FHIT: variants seen among roughly 807,000 people sequenced by gnomAD.
The protein encoded by FHIT is bis(5'-adenosyl)-triphosphatase.
A neutral mutation model predicts 17.9 loss-of-function variants in FHIT; 19 were observed. The observed-to-expected ratio is 1.06, with a 90% confidence interval of 0.74 to 1.56. The LOEUF (loss-of-function observed/expected upper bound fraction) is 1.56. Ranked by LOEUF, FHIT falls within the 40% of genes most tolerant of loss-of-function variation. FHIT has a pLI of 0.00. For synonymous variants in FHIT, 81 were observed against 69.7 expected (o/e 1.16, Z -0.81); for missense variants, 248 against 189.2 (o/e 1.31, Z -1.82).
chr3:60,451,943 G>C (rs1346758928), intron 5 of FHIT, among the ~76,000 whole-genome samples: 1 of 152,062 alleles, frequency 6.6e-6, no homozygotes, highest in African/African-American at 2.4e-5. Flanking sequence ...TTCCAAATTT[G>C]AGACTCCCTT....
At chr3:60,105,650 T>C (rs1704376405) in intron 5 of FHIT, among the ~76,000 whole-genome samples, 5 of 152,190 alleles carry the variant, frequency 3.3e-5, no homozygotes, top group Admixed American at 3.3e-4. Context: ...ACTAACTTCC[T>C]TTGCTCTGCC....
At chr3:60,388,291 G>A (rs147250836) in intron 5 of FHIT, among the ~76,000 whole-genome samples, 15 of 152,226 alleles carry the variant, frequency 9.9e-5, no homozygotes, top group African/African-American at 3.6e-4. Context: ...TTCTGCACAA[G>A]GCACGTCTCT....
chr3:59,972,172 A>G (rs1012916001), intron 7 of FHIT, among the ~76,000 whole-genome samples: 1 of 152,108 alleles, frequency 6.6e-6, no homozygotes, highest in African/African-American at 2.4e-5. Flanking sequence ...GATATTAGAG[A>G]CAGAATGTGC....
At chr3:60,260,152 T>G (rs1286114002) in intron 5 of FHIT, among the ~76,000 whole-genome samples, 2 of 151,964 alleles carry the variant, frequency 1.3e-5, no homozygotes, top group Admixed American at 6.6e-5. Flanking sequence ...AAAAAAATAT[T>G]AGTGTTCTTA....
chr3:61,238,791 GAT>G (rs1366163923), intron 1 of FHIT, among the ~76,000 whole-genome samples: 4 of 152,162 alleles, frequency 2.6e-5, no homozygotes. Flanking sequence ...CCAATTAAAA[GAT>G]CCCAAACTGT....
chr3:61,029,460 G>A (rs1366131610), intron 3 of FHIT, among the ~76,000 whole-genome samples: 2 of 152,126 alleles, frequency 1.3e-5, no homozygotes, highest in African/African-American at 4.8e-5. Context: ...ATCTGATTTA[G>A]CCGGCTAGCT....
At chr3:59,994,356 T>C (rs191918636) in intron 7 of FHIT, among the ~76,000 whole-genome samples, 10 of 152,150 alleles carry the variant, frequency 6.6e-5, no homozygotes, top group Non-Finnish European at 1.2e-4. Flanking sequence ...CAATACTCAA[T>C]CCATCTGCAG....
At chr3:60,843,311 G>C (rs1307488918) in intron 3 of FHIT, among the ~76,000 whole-genome samples, 1 of 152,124 alleles carries the variant, frequency 6.6e-6, no homozygotes, top group Non-Finnish European at 1.5e-5. Flanking sequence ...CAAAAGAGAA[G>C]TGAAATAAGT....
chr3:59,784,647 T>C (rs1327858135), intron 8 of FHIT, among the ~76,000 whole-genome samples: 1 of 152,184 alleles, frequency 6.6e-6, no homozygotes, highest in Admixed American at 6.5e-5. Flanking sequence ...AGTGATTCTT[T>C]AGGTTCAACA....
chr3:60,666,837 T>C (rs1482349625), intron 4 of FHIT, among the ~76,000 whole-genome samples: 1 of 147,786 alleles, frequency 6.8e-6, no homozygotes, highest in Admixed American at 6.9e-5. Context: ...CATGCCCAAT[T>C]TATCTTTTTC....
intron 5 of FHIT, among the ~76,000 whole-genome samples, chr3:60,299,653 C>A (rs949889985): frequency 6.6e-6 from 1 of 152,168 alleles, no homozygotes; most frequent in South Asian, 2.1e-4. Context: ...TACTTCTCTA[C>A]TGTTGGTAGA....
chr3:60,861,409 C>G lies in FHIT; in HGVS notation c.-110-39398G>C, dbSNP rs188798171. Reference sequence around the variant, plus strand: ...GAATTCTTTGTTATGGAGGGCTGTCCTATGCATTGTAGGGTGTTGAGCAGC... The same window carrying G: ...GAATTCTTTGTTATGGAGGGCTGTCGTATGCATTGTAGGGTGTTGAGCAGC... On this transcript the variant is annotated intron_variant, in intron 3 of 9. Transcript: ENST00000492590. Among the ~76,000 whole-genome samples the G allele has an allele frequency of 1.1e-4, 16 of 150,702 alleles. No homozygotes were observed. In the East Asian group the frequency reaches 3.2e-3, roughly 30 times the overall value.
intron 4 of FHIT, among the ~76,000 whole-genome samples, chr3:60,760,061 C>T (rs1279718581): frequency 6.6e-6 from 1 of 150,964 alleles, no homozygotes; most frequent in Non-Finnish European, 1.5e-5. Flanking sequence ...CTTTCTCTTT[C>T]TTTCCATTTC....
chr3:60,766,976 C>A (rs1699878055), intron 4 of FHIT, among the ~76,000 whole-genome samples: 1 of 152,200 alleles, frequency 6.6e-6, no homozygotes, highest in Non-Finnish European at 1.5e-5. Context: ...TCCTTTTGGA[C>A]ATTTTTCATG....
intron 8 of FHIT, among the ~76,000 whole-genome samples, chr3:59,920,854 G>A (rs1705366225): frequency 1.3e-5 from 2 of 152,122 alleles, no homozygotes; most frequent in Non-Finnish European, 1.5e-5. Context: ...ACGAAAATGA[G>A]TTCAAATTAT....
intron 4 of FHIT, among the ~76,000 whole-genome samples, chr3:60,705,911 G>C (rs527299923): frequency 1.3e-5 from 2 of 152,092 alleles, no homozygotes; most frequent in Non-Finnish European, 2.9e-5. Context: ...CTTTGAATAA[G>C]AATATATTAT....
At chr3:61,021,078 A>T (rs2032397716) in intron 3 of FHIT, among the ~76,000 whole-genome samples, 1 of 152,160 alleles carries the variant, frequency 6.6e-6, no homozygotes. Flanking sequence ...CCACAGAATA[A>T]TACTGGGAGA....
intron 5 of FHIT, among the ~76,000 whole-genome samples, chr3:60,135,968 T>C (rs1699799217): frequency 6.6e-6 from 1 of 152,194 alleles, no homozygotes; most frequent in Non-Finnish European, 1.5e-5. Flanking sequence ...TATGTGTTTT[T>C]ATAAAACGTC....
intron 5 of FHIT, among the ~76,000 whole-genome samples, chr3:60,140,931 G>T (rs1371783960): frequency 6.6e-6 from 1 of 152,144 alleles, no homozygotes; most frequent in Non-Finnish European, 1.5e-5. Flanking sequence ...GGGTGTCAAA[G>T]CTGTCATCGG....
Sources: allele counts gnomAD v4.1 joint callset (sites outside exome capture counted in the v4.1 genomes callset), GRCh38; gene constraint gnomAD v4.1.1; transcripts MANE v1.5; gene names NCBI Gene and HGNC (gene_info 2026-07-23, HGNC 2026-07-21).